Variants in GPC5 observed in about 807,000 individuals in gnomAD.
The protein encoded by GPC5 is glypican-5.
GPC5 carries 47 observed loss-of-function variants against 53.9 expected under a neutral mutation model. The observed-to-expected ratio is 0.87, with a 90% CI of 0.69 to 1.11. GPC5 has a LOEUF of 1.11. Among genes scored for constraint, GPC5 ranks in the 50% most tolerant of loss-of-function variants. The probability of loss-of-function intolerance (pLI) is 0.00; values close to 1 mark genes in which losing one functional copy is unlikely to be tolerated. For synonymous variants in GPC5, 286 were observed against 263.3 expected, an observed-to-expected ratio of 1.09 and a Z score of -0.84; for missense variants, 748 against 713.1, an observed-to-expected ratio of 1.05 and a Z score of -0.56.
chr13:91,550,254 T>G (rs1355080445), intron 2 of GPC5, among the ~76,000 whole-genome samples: 1 of 151,838 alleles, frequency 6.6e-6, no homozygotes, highest in Non-Finnish European at 1.5e-5. Context: ...GGTGAAGGAT[T>G]AATAGGTAGA....
intron 2 of GPC5, among the ~76,000 whole-genome samples, chr13:91,449,505 C>T (rs1380836549): frequency 6.6e-6 from 1 of 152,060 alleles, no homozygotes; most frequent in Non-Finnish European, 1.5e-5. Context: ...CTAATGCTCT[C>T]CCTCCCCTTG....
At position 92,547,523 on chromosome 13, in the gene GPC5, T is replaced by TA. The variant is rs1043519842; in HGVS notation, c.1562-318755dup. ...AAAGCTCAAAATGAGTTGCCAGGAG[T>TA]AAAACAGCAGAATTTTAAAGGAATT... On this transcript the variant is annotated intron_variant, in intron 7 of 7. Transcript: ENST00000377067. Among the ~76,000 whole-genome samples the TA allele has an allele frequency of 1.2e-3, 189 of 152,092 alleles. 1 individual carries two copies. The highest frequency in any genetic ancestry group is 4.4e-3 in the African/African-American group (184 of 41,490).
intron 7 of GPC5, among the ~76,000 whole-genome samples, chr13:92,807,663 G>A (rs1371091342): frequency 6.6e-6 from 1 of 152,080 alleles, no homozygotes; most frequent in East Asian, 1.9e-4. Context: ...CTTGGCATCA[G>A]TGAACATTTT....
At chr13:91,996,882 T>A (rs2040508368) in intron 6 of GPC5, among the ~76,000 whole-genome samples, 1 of 152,196 alleles carries the variant, frequency 6.6e-6, no homozygotes, top group South Asian at 2.1e-4. Flanking sequence ...GTAGCAATTG[T>A]ATGCATTTTT....
At chr13:91,701,064 T>C (rs893748344) in intron 3 of GPC5, among the ~76,000 whole-genome samples, 1 of 152,196 alleles carries the variant, frequency 6.6e-6, no homozygotes, top group Non-Finnish European at 1.5e-5. Context: ...CTTTCCACAA[T>C]TTAATTTATT....
chr13:92,713,313 C>A (rs1888205431), intron 7 of GPC5, among the ~76,000 whole-genome samples: 1 of 151,720 alleles, frequency 6.6e-6, no homozygotes, highest in Middle Eastern at 3.2e-3. Flanking sequence ...TTCAATCTGG[C>A]CGGGTGTGGT....
intron 1 of GPC5, among the ~76,000 whole-genome samples, chr13:91,406,342 A>G (rs1022250567): frequency 1.1e-4 from 16 of 152,278 alleles, no homozygotes; most frequent in African/African-American, 3.6e-4. Context: ...TTCTGTGTAC[A>G]ATGATATTTT....
At chr13:92,418,233 A>G (rs9523670) in intron 7 of GPC5, among the ~76,000 whole-genome samples, 47,370 of 152,032 alleles carry the variant, frequency 0.31, 8,050 homozygotes, top group Non-Finnish European at 0.38. Context: ...GCCAAAATTG[A>G]TGGTGGTGGT....
chr13:91,625,776 T>A (rs1392164723), intron 2 of GPC5, among the ~76,000 whole-genome samples: 1 of 152,078 alleles, frequency 6.6e-6, no homozygotes, highest in Non-Finnish European at 1.5e-5. Flanking sequence ...CCACTGTACA[T>A]CCTTTATATA....
chr13:91,454,701 C>T (rs117117507), intron 2 of GPC5, among the ~76,000 whole-genome samples: 5,266 of 152,194 alleles, frequency 0.035, 137 homozygotes, highest in Non-Finnish European at 0.051. Flanking sequence ...GATTCTCTCT[C>T]TCCTTCCCTC....
chr13:92,415,285 T>C (rs1445220824), intron 7 of GPC5, among the ~76,000 whole-genome samples: 1 of 152,188 alleles, frequency 6.6e-6, no homozygotes. Context: ...GTGGAGTGAA[T>C]TGGAGGAAGC....
intron 2 of GPC5, among the ~76,000 whole-genome samples, chr13:91,613,964 A>G (rs139670099): frequency 1.4e-4 from 22 of 152,338 alleles, no homozygotes; most frequent in Non-Finnish European, 2.9e-4. Flanking sequence ...AAACAAGACC[A>G]TGAAGTTGCA....
chr13:92,552,007 T>A (rs1187992130), intron 7 of GPC5, among the ~76,000 whole-genome samples: 1 of 151,930 alleles, frequency 6.6e-6, no homozygotes, highest in East Asian at 1.9e-4. Context: ...CTCTGAGATG[T>A]TACTGTGCTA....
chr13:92,802,039 G>A (rs1267638383), intron 7 of GPC5, among the ~76,000 whole-genome samples: 1 of 151,658 alleles, frequency 6.6e-6, no homozygotes, highest in Non-Finnish European at 1.5e-5. Context: ...AATGTCCTAG[G>A]CTTTCACATT....
chr13:91,607,100 C>G (rs1446856807), intron 2 of GPC5, among the ~76,000 whole-genome samples: 1 of 152,026 alleles, frequency 6.6e-6, no homozygotes, highest in South Asian at 2.1e-4. Flanking sequence ...GTCATTTACT[C>G]TTTATTTTTA....
chr13:92,098,106 C>G (rs543640241), intron 6 of GPC5, among the ~76,000 whole-genome samples: 1 of 152,104 alleles, frequency 6.6e-6, no homozygotes, highest in Non-Finnish European at 1.5e-5. Context: ...TATTTTGTCA[C>G]CCTGGTACTA....
intron 2 of GPC5, among the ~76,000 whole-genome samples, chr13:91,523,269 A>G (rs1169892763): frequency 6.6e-6 from 1 of 152,210 alleles, no homozygotes; most frequent in African/African-American, 2.4e-5. Flanking sequence ...TGAAATCAGT[A>G]TGTTGAAGAG....
At chr13:91,676,741 T>C (rs1295255456) in intron 2 of GPC5, among the ~76,000 whole-genome samples, 1 of 152,216 alleles carries the variant, frequency 6.6e-6, no homozygotes, top group African/African-American at 2.4e-5. Context: ...TTGAAAACAC[T>C]GCATAAATTG....
At chr13:91,442,021 G>A (rs1880471806) in intron 1 of GPC5, among the ~76,000 whole-genome samples, 1 of 152,192 alleles carries the variant, frequency 6.6e-6, no homozygotes, top group South Asian at 2.1e-4. Context: ...TTCACTAGAG[G>A]AGAGGTAAAT....
Sources: allele counts gnomAD v4.1 joint callset (sites outside exome capture counted in the v4.1 genomes callset), GRCh38; gene constraint gnomAD v4.1.1; transcripts MANE v1.5; gene names NCBI Gene and HGNC (gene_info 2026-07-23, HGNC 2026-07-21).